CCDC178: variants seen among roughly 807,000 people sequenced by gnomAD.
CCDC178 encodes the protein coiled-coil domain containing 178.
In CCDC178, 126 loss-of-function variants were observed where a neutral mutation model predicts 117.4. The observed-to-expected ratio is 1.07, with a 90% CI of 0.93 to 1.24. CCDC178 has a LOEUF of 1.24. Among genes scored for constraint, CCDC178 ranks in the 50% most tolerant of loss-of-function variants. The pLI is 0.00. For synonymous variants in CCDC178, 283 were observed against 313.4 expected, an observed-to-expected ratio of 0.90 and a Z score of 1.02; for missense variants, 1,030 against 986.9, an observed-to-expected ratio of 1.04 and a Z score of -0.59.
chr18:33,418,985 A>G (rs1268894298), intron 2 of CCDC178, among the ~76,000 whole-genome samples: 2 of 152,136 alleles, frequency 1.3e-5, no homozygotes, highest in Non-Finnish European at 2.9e-5. Flanking sequence ...GAAAACAACT[A>G]TGCTAAAAAA....
intron 11 of CCDC178, among the ~76,000 whole-genome samples, chr18:33,293,625 A>G (rs1419513906): frequency 6.6e-6 from 1 of 152,166 alleles, no homozygotes; most frequent in Admixed American, 6.6e-5. Context: ...TGATTGATCC[A>G]CTGTACTCCA....
At chr18:33,362,273 C>T (rs1480979781) in intron 6 of CCDC178, among the ~76,000 whole-genome samples, 2 of 151,222 alleles carry the variant, frequency 1.3e-5, no homozygotes, top group Admixed American at 6.6e-5. Context: ...ACCTGGAAGA[C>T]ATTATACTAA....
intron 20 of CCDC178, among the ~76,000 whole-genome samples, chr18:33,130,863 G>T (rs1242372761): frequency 6.6e-6 from 1 of 151,800 alleles, no homozygotes; most frequent in Non-Finnish European, 1.5e-5. Context: ...CCTTTCCTCA[G>T]ACAAAAAGGA....
intron 22 of CCDC178, among the ~76,000 whole-genome samples, chr18:32,951,994 T>C (rs998444355): frequency 6.6e-6 from 1 of 152,216 alleles, no homozygotes; most frequent in African/African-American, 2.4e-5. Context: ...CATATCCAGG[T>C]CATGCTGACG....
intron 21 of CCDC178, among the ~76,000 whole-genome samples, chr18:33,008,055 G>T (rs1476307105): frequency 6.6e-6 from 1 of 152,046 alleles, no homozygotes; most frequent in Admixed American, 6.6e-5. Flanking sequence ...TCTGATGATT[G>T]GTTACAAGTG....
chr18:33,368,243 G>C (rs1177352488), intron 6 of CCDC178, among the ~76,000 whole-genome samples: 3 of 151,932 alleles, frequency 2.0e-5, no homozygotes, highest in African/African-American at 7.2e-5. Context: ...CTAGAAAATA[G>C]GAGAGGTTAG....
intron 18 of CCDC178, among the ~76,000 whole-genome samples, chr18:33,219,895 C>T (rs1377718382): frequency 6.6e-6 from 1 of 151,958 alleles, no homozygotes; most frequent in Non-Finnish European, 1.5e-5. Flanking sequence ...ACATTGTGCA[C>T]ATGTACCCTA....
At chr18:33,137,158 A>C (rs1349741150) in intron 20 of CCDC178, among the ~76,000 whole-genome samples, 1 of 152,200 alleles carries the variant, frequency 6.6e-6, no homozygotes, top group African/African-American at 2.4e-5. Flanking sequence ...ATGCAAACAA[A>C]TGATGAAAGA....
At chr18:33,383,095 G>A (rs531438806) in intron 5 of CCDC178, among the ~76,000 whole-genome samples, 1 of 152,262 alleles carries the variant, frequency 6.6e-6, no homozygotes. Context: ...TGGACTGGGT[G>A]GAATTCCCCA....
intron 14 of CCDC178, among the ~76,000 whole-genome samples, chr18:33,259,177 CA>C (rs560447431): frequency 1.2e-3 from 187 of 152,238 alleles, no homozygotes; most frequent in African/African-American, 4.2e-3. Context: ...AAAAAATTAA[CA>C]AATGTAATAT....
intron 19 of CCDC178, 78 bp downstream of exon 19, chr18:33,215,471 CA>C: frequency 1.2e-6 from 1 of 813,592 alleles, no homozygotes; most frequent in South Asian, 2.7e-5. Flanking sequence ...TTTAAGAATG[CA>C]TTTTAAATAT....
At chr18:33,116,509 G>A (rs1338620039) in intron 20 of CCDC178, among the ~76,000 whole-genome samples, 6 of 152,074 alleles carry the variant, frequency 3.9e-5, no homozygotes, top group African/African-American at 1.4e-4. Flanking sequence ...CTGGGTTCCC[G>A]GCTTAGTGTT....
chr18:33,099,377 G>A (rs1028020464), intron 20 of CCDC178, among the ~76,000 whole-genome samples: 38 of 151,918 alleles, frequency 2.5e-4, no homozygotes, highest in African/African-American at 6.3e-4. Context: ...TGCCCTTCTC[G>A]AGCACTGGAA....
At chr18:33,340,279 T>C (rs970027717) in intron 9 of CCDC178, among the ~76,000 whole-genome samples, 1 of 152,140 alleles carries the variant, frequency 6.6e-6, no homozygotes, top group South Asian at 2.1e-4. Context: ...GTAGGATATC[T>C]GGTGGAAGAA....
At chr18:33,378,286 T>G (rs2144783354) in intron 5 of CCDC178, among the ~76,000 whole-genome samples, 1 of 152,336 alleles carries the variant, frequency 6.6e-6, no homozygotes, top group African/African-American at 2.4e-5. Context: ...ATTTTGTACA[T>G]TAATTTTGTA....
At chr18:33,270,265 T>C (rs980952168) in intron 12 of CCDC178, among the ~76,000 whole-genome samples, 4 of 151,482 alleles carry the variant, frequency 2.6e-5, no homozygotes, top group East Asian at 1.9e-4. Flanking sequence ...TATACCAATA[T>C]ACATACAAAA....
At chr18:32,956,037 C>T (rs888643179) in intron 22 of CCDC178, among the ~76,000 whole-genome samples, 5 of 152,080 alleles carry the variant, frequency 3.3e-5, no homozygotes, top group East Asian at 1.9e-4. Context: ...TAACACTACA[C>T]ATTTTTTCAT....
intron 21 of CCDC178, among the ~76,000 whole-genome samples, chr18:33,031,638 C>T (rs1179556416): frequency 6.6e-6 from 1 of 151,922 alleles, no homozygotes; most frequent in Non-Finnish European, 1.5e-5. Context: ...CCTATGGATT[C>T]AAGGAACCAG....
intron 22 of CCDC178, among the ~76,000 whole-genome samples, chr18:32,940,739 G>A (rs1310121824): frequency 1.1e-4 from 17 of 151,926 alleles, no homozygotes; most frequent in Admixed American, 1.1e-3. Context: ...GCAGTTATAT[G>A]AGTTATTTTA....
Sources: gnomAD v4.1 joint callset for allele counts (sites outside exome capture counted in the v4.1 genomes callset) on GRCh38, gnomAD v4.1.1 for gene constraint, MANE v1.5 for transcripts, NCBI Gene and HGNC (gene_info 2026-07-23, HGNC 2026-07-21) for gene names.